CSAD: variants seen among roughly 807,000 people sequenced by gnomAD.
CSAD encodes the protein P-selectin cytoplasmic tail-associated protein.
CSAD carries 47 observed loss-of-function variants against 61.5 expected under a neutral mutation model. The observed-to-expected ratio is 0.76, with a 90% CI of 0.60 to 0.97. The LOEUF (loss-of-function observed/expected upper bound fraction) is 0.97. Among genes scored for constraint, CSAD ranks in the 50% least tolerant of loss-of-function variants. CSAD has a pLI of 0.00. For missense variants in CSAD, 611 were observed against 643.6 expected (o/e 0.95, Z 0.55); for synonymous variants, 245 against 252.7 (o/e 0.97, Z 0.29).
chr12:53,171,417 G>A lies in CSAD; in HGVS notation c.476C>T (p.Ala159Val). 6.2e-7 allele frequency: 1 copy of A among 1,613,822 alleles called. No individual in the cohort carries two copies. The highest frequency in any genetic ancestry group is 1.3e-5 in the African/African-American group (1 of 75,054). ...GCGCTGATAGCGGGCCAGATTTACA[G>A]CATACATGTTGGAGATGGAGCCACC... is the stretch of plus-strand genomic sequence containing the variant. ...CPGGSISNMY[A>V]VNLARYQRYP... Residue 159 changes from alanine (A) to valine (V), a missense_variant, in exon 8 of 17, where the codon GCT becomes GTT. By Grantham distance (64) the Ala-to-Val change is moderately conservative (BLOSUM62 0). Transcript: ENST00000444623.
intron 10 of CSAD, among the ~76,000 whole-genome samples, chr12:53,169,149 C>T (rs541773370): frequency 2.6e-5 from 4 of 151,536 alleles, no homozygotes; most frequent in Non-Finnish European, 4.4e-5. Context: ...CATTGCACTC[C>T]GGCCTGGGTG....
chr12:53,162,401 C>G (rs576539052), intron 10 of CSAD, among the ~76,000 whole-genome samples: 101 of 151,598 alleles, frequency 6.7e-4, no homozygotes, highest in Non-Finnish European at 1.2e-3. Context: ...AACCCTGTCT[C>G]TCCTAAAACT....
chr12:53,160,460 G>A (rs1364595392), intron 13 of CSAD, 141 bp from the exon 14 acceptor site: 3 of 856,920 alleles, frequency 3.5e-6, no homozygotes, highest in Non-Finnish European at 3.7e-6. Context: ...CTGCCTGCTG[G>A]CTCCAACACC....
At chr12:53,173,255 G>C (rs988816063) in intron 4 of CSAD, 90 bp downstream of exon 4, 27 of 748,820 alleles carry the variant, frequency 3.6e-5, no homozygotes, top group Non-Finnish European at 4.9e-5. Flanking sequence ...AAGGAAGGAA[G>C]GGGGGGGGAG....
At chr12:53,165,726 T>C (rs964486445) in intron 10 of CSAD, among the ~76,000 whole-genome samples, 1 of 150,538 alleles carries the variant, frequency 6.6e-6, no homozygotes, top group Non-Finnish European at 1.5e-5. Context: ...GTGAATAAAT[T>C]AGAACCCTTG....
chr12:53,158,676 G>T lies in CSAD; in HGVS notation c.1317C>A (p.Pro439=). The stretch of plus-strand genomic sequence containing the variant: ...CCTTCACCATGCGCTCCTTGAGCAC[G>T]GGGGCCACCTGTGGAAGGGTGGAGA... ...DYHERLSKVA[P]VLKERMVKEG... Residue 439 remains proline, a synonymous_variant, in exon 17 of 17, where the codon CCC becomes CCA. Coordinates refer to ENST00000444623, the MANE Select transcript of CSAD (RefSeq NM_001244705.2). 6.2e-7 allele frequency: 1 copy of T among 1,613,706 alleles called. No homozygotes were observed.
rs936588516 is a variant in CSAD at position 53,158,429 on chromosome 12, C to T, written c.*82G>A. ...GGGATTACAGGCGTGAGCCACTGCA[C>T]CCGGCCTCAAAGGCTGGGAGGGAAT... On this transcript the variant is annotated 3_prime_UTR_variant, in exon 17 of 17. Transcript: ENST00000444623. 6.9e-7 allele frequency: 1 copy of T among 1,454,738 alleles called. No individual in the cohort carries two copies. The highest frequency in any genetic ancestry group is 9.4e-7 in the Non-Finnish European group (1 of 1,060,908). The allele number at this position is 1,454,738 out of a possible 1,614,324, so 90.1% of individuals were successfully genotyped here.
Position 53,158,409 on chromosome 12 carries a change from T to C in CSAD, c.*102A>G. 7.9e-7 allele frequency: 1 copy of C among 1,262,398 alleles called. No individual in the cohort carries two copies. The highest frequency in any genetic ancestry group is 1.5e-5 in the African/African-American group (1 of 66,504). The allele number at this position is 1,262,398 out of a possible 1,614,324, so 78.2% of individuals were successfully genotyped here. On this transcript the variant is annotated 3_prime_UTR_variant, in exon 17 of 17. Coordinates refer to ENST00000444623, the MANE Select transcript of CSAD (RefSeq NM_001244705.2). Reference sequence around the variant, plus strand: ...CCTCGGCCTCCCAAAGTGCTGGGATTACAGGCGTGAGCCACTGCACCCGGC... The same window carrying C: ...CCTCGGCCTCCCAAAGTGCTGGGATCACAGGCGTGAGCCACTGCACCCGGC...
chr12:53,174,079 C>A (rs915847011), intron 2 of CSAD: 1 of 335,962 alleles, frequency 3.0e-6, no homozygotes, highest in Non-Finnish European at 5.7e-6. Flanking sequence ...CCGAGGCGGG[C>A]GGATCACGAG....
chr12:53,181,176 G>GCGCCGGGCTTCGCCT, upstream of CSAD: 1 of 985,352 alleles, frequency 1.0e-6, no homozygotes, highest in Non-Finnish European at 1.2e-6. Flanking sequence ...GCGACACGCC[G>GCGCCGGGCTTCGCCT]CGCCGGGCTT....
At chr12:53,174,781 G>C (rs969895322) in intron 2 of CSAD, among the ~76,000 whole-genome samples, 4 of 152,122 alleles carry the variant, frequency 2.6e-5, no homozygotes, top group Non-Finnish European at 4.4e-5. Flanking sequence ...GACAGAGTGG[G>C]ACTCCATTTC....
At position 53,173,423 on chromosome 12, in the gene CSAD, A is replaced by G. The variant is rs1940832304; in HGVS notation, c.48T>C (p.Ala16=). 2 of 1,614,220 alleles carry G rather than the reference A, an allele frequency of 1.2e-6. No individual in the cohort carries two copies. Among genetic ancestry groups the G allele is most frequent in the Non-Finnish European group, 1.7e-6 (2 of 1,180,040 alleles). ...ALPSLAGDPV[A]VEALLRAVFG... ...ACACGGCCCGGAGCAAGGCTTCCACAGCCACTGGGTCCCCAGCAAGGGAGG... is the reference window on the plus strand; with the variant it reads ...ACACGGCCCGGAGCAAGGCTTCCACGGCCACTGGGTCCCCAGCAAGGGAGG... The change falls in exon 4 of 17, where the codon GCT becomes GCC. Residue 16 remains alanine, a synonymous_variant. Transcript: ENST00000444623.
At chr12:53,164,985 T>A (rs998814710) in intron 10 of CSAD, among the ~76,000 whole-genome samples, 2 of 152,046 alleles carry the variant, frequency 1.3e-5, no homozygotes, top group African/African-American at 4.8e-5. Flanking sequence ...AAAACTACAA[T>A]GAGTTACCAC....
chr12:53,161,489 T>C (rs747525121), intron 10 of CSAD, 100 bp from the exon 11 acceptor site: 2 of 917,526 alleles, frequency 2.2e-6, no homozygotes, highest in East Asian at 2.4e-5. Context: ...ATGCCTAAAA[T>C]GGCCCATTTC....
At chr12:53,179,799 G>A in intron 1 of CSAD, 3 of 1,613,646 alleles carry the variant, frequency 1.9e-6, no homozygotes, top group Non-Finnish European at 2.5e-6. Flanking sequence ...GACTTCAGTG[G>A]AATTGACATC....
intron 10 of CSAD, among the ~76,000 whole-genome samples, chr12:53,169,271 G>A (rs1940272463): frequency 6.6e-6 from 1 of 151,968 alleles, no homozygotes; most frequent in Non-Finnish European, 1.5e-5. Flanking sequence ...CCTGAGGTCA[G>A]GAGTTTGAGA....
intron 10 of CSAD, among the ~76,000 whole-genome samples, chr12:53,162,786 G>C (rs1001223179): frequency 6.6e-6 from 1 of 151,784 alleles, no homozygotes; most frequent in African/African-American, 2.4e-5. Context: ...CATAGGCTGG[G>C]CGTGGTGGCT....
intron 10 of CSAD, chr12:53,164,901 T>C (rs1939714780): frequency 6.6e-6 from 1 of 152,120 alleles, no homozygotes; most frequent in Non-Finnish European, 1.5e-5. Context: ...CTTTTTTCAA[T>C]AAAGATAAAT....
chr12:53,176,252 A>G (rs1307892112), intron 2 of CSAD, among the ~76,000 whole-genome samples: 2 of 152,044 alleles, frequency 1.3e-5, no homozygotes, highest in Non-Finnish European at 2.9e-5. Flanking sequence ...TCTACTAAAA[A>G]TACAAAAATT....
Sources: allele counts gnomAD v4.1 joint callset (sites outside exome capture counted in the v4.1 genomes callset), GRCh38; gene constraint gnomAD v4.1.1; transcripts MANE v1.5; gene names NCBI Gene and HGNC (gene_info 2026-07-23, HGNC 2026-07-21).